The following BABAM2 variants were observed in gnomAD, a reference collection of about 807,000 sequenced individuals.
BABAM2 encodes the protein BRISC and BRCA1 A complex member 2, also known as BRISC and BRCA1-A complex member 2.
BABAM2 carries 31 observed loss-of-function variants against 54.7 expected under a neutral mutation model. The observed-to-expected ratio is 0.57, with a 90% CI of 0.43 to 0.77. The LOEUF is 0.77. BABAM2 is among the 30% of genes least tolerant of loss of function. The pLI is 0.00. For missense variants in BABAM2, 364 were observed against 455.8 expected, an observed-to-expected ratio of 0.80 and a Z score of 1.83; for synonymous variants, 167 against 162.9, an observed-to-expected ratio of 1.03 and a Z score of -0.19.
intron 6 of BABAM2, among the ~76,000 whole-genome samples, chr2:28,115,224 CAA>C (rs1668508315): frequency 3.6e-5 from 5 of 138,742 alleles, no homozygotes; most frequent in Admixed American, 2.2e-4. Context: ...CACACACACA[CAA>C]ACCAATCAAA....
At chr2:28,126,748 A>C (rs1450910667) in intron 6 of BABAM2, among the ~76,000 whole-genome samples, 2 of 142,924 alleles carry the variant, frequency 1.4e-5, no homozygotes, top group African/African-American at 5.2e-5. Context: ...GAACTAGTTT[A>C]CAGTCCCACC....
intron 11 of BABAM2, among the ~76,000 whole-genome samples, chr2:28,312,033 G>A (rs1240789119): frequency 6.6e-6 from 1 of 152,224 alleles, no homozygotes; most frequent in African/African-American, 2.4e-5. Flanking sequence ...TCAGATGTGT[G>A]TGTTAGTTTA....
chr2:28,244,710 T>C (rs1001909146), intron 9 of BABAM2, 70 bp from the exon 10 acceptor site: 1 of 1,396,286 alleles, frequency 7.2e-7, no homozygotes, highest in African/African-American at 1.4e-5. Flanking sequence ...CTTTACTTGG[T>C]TTTATTGCTT....
intron 3 of BABAM2, among the ~76,000 whole-genome samples, chr2:27,951,070 G>A (rs999267528): frequency 6.6e-6 from 1 of 152,022 alleles, no homozygotes; most frequent in African/African-American, 2.4e-5. Flanking sequence ...TAGTGGTAAA[G>A]AAAAAAGTGG....
At chr2:28,336,660 A>G (rs959523998) in intron 11 of BABAM2, among the ~76,000 whole-genome samples, 2 of 152,240 alleles carry the variant, frequency 1.3e-5, no homozygotes, top group African/African-American at 4.8e-5. Flanking sequence ...TCAGTGCTGC[A>G]GAGGCCATGG....
At chr2:28,043,648 A>T (rs1033964335) in intron 5 of BABAM2, among the ~76,000 whole-genome samples, 1 of 152,192 alleles carries the variant, frequency 6.6e-6, no homozygotes, top group Non-Finnish European at 1.5e-5. Flanking sequence ...TTTTAGGTTT[A>T]GCTGTGTCTT....
intron 6 of BABAM2, among the ~76,000 whole-genome samples, chr2:28,127,622 A>G (rs1287740513): frequency 6.6e-6 from 1 of 152,088 alleles, no homozygotes; most frequent in Admixed American, 6.6e-5. Flanking sequence ...CCCTGTGTAT[A>G]CATGTCACAC....
chr2:27,979,323 T>G (rs1464031932), intron 3 of BABAM2, among the ~76,000 whole-genome samples: 1 of 151,938 alleles, frequency 6.6e-6, no homozygotes, highest in Non-Finnish European at 1.5e-5. Flanking sequence ...TGTGAGCCAC[T>G]GCGCCTGGCC....
At chr2:28,054,415 A>T (rs898638289) in intron 6 of BABAM2, among the ~76,000 whole-genome samples, 3 of 152,082 alleles carry the variant, frequency 2.0e-5, no homozygotes, top group African/African-American at 7.2e-5. Flanking sequence ...AGTTTCCCAA[A>T]CTGTTAAAAT....
intron 10 of BABAM2, among the ~76,000 whole-genome samples, chr2:28,258,615 C>CTTTTCTTTTTTTTTTTTTT (rs752905871): frequency 1.0e-5 from 1 of 100,042 alleles, no homozygotes; most frequent in African/African-American, 3.7e-5. Context: ...TTTTTCTTTT[C>CTTTTCTTTTTTTTTTTTTT]TTTTTTTTTT....
At chr2:28,280,961 G>A (rs1686307091) in intron 10 of BABAM2, among the ~76,000 whole-genome samples, 1 of 152,140 alleles carries the variant, frequency 6.6e-6, no homozygotes, top group South Asian at 2.1e-4. Context: ...GTCCACATCA[G>A]GCTCTGCTGC....
intron 6 of BABAM2, among the ~76,000 whole-genome samples, chr2:28,049,698 C>T (rs1340949095): frequency 3.3e-5 from 5 of 152,224 alleles, no homozygotes; most frequent in African/African-American, 9.7e-5. Context: ...AGTCAGGGCA[C>T]AATCAGTGCA....
At chr2:27,998,242 C>T (rs892433775) in intron 4 of BABAM2, among the ~76,000 whole-genome samples, 3 of 152,010 alleles carry the variant, frequency 2.0e-5, no homozygotes, top group Non-Finnish European at 2.9e-5. Context: ...GTCATCCATC[C>T]GCTCTTTGTC....
At chr2:28,051,655 T>G (rs753830851) in intron 6 of BABAM2, among the ~76,000 whole-genome samples, 5 of 150,078 alleles carry the variant, frequency 3.3e-5, no homozygotes, top group Non-Finnish European at 5.9e-5. Context: ...CAAGGTGTGT[T>G]TTTTTTTTTT....
chr2:28,223,610 A>G (rs762271572), intron 7 of BABAM2, among the ~76,000 whole-genome samples: 2 of 152,200 alleles, frequency 1.3e-5, no homozygotes, highest in African/African-American at 2.4e-5. Flanking sequence ...AGGGGACAGG[A>G]AGATCAATGG....
At chr2:28,318,492 T>TAG (rs1689756387) in intron 11 of BABAM2, among the ~76,000 whole-genome samples, 1 of 152,172 alleles carries the variant, frequency 6.6e-6, no homozygotes, top group Non-Finnish European at 1.5e-5. Context: ...CTAGATAATC[T>TAG]CTAGGGTTTT....
chr2:28,172,778 C>T (rs138080446), intron 7 of BABAM2, among the ~76,000 whole-genome samples: 2,009 of 152,186 alleles, frequency 0.013, 28 homozygotes, highest in South Asian at 0.05. Context: ...ATATGCTTTC[C>T]GGGAGTTTAC....
At chr2:27,918,143 A>C (rs545715348) in intron 2 of BABAM2, among the ~76,000 whole-genome samples, 1 of 152,346 alleles carries the variant, frequency 6.6e-6, no homozygotes, top group Admixed American at 6.5e-5. Flanking sequence ...ATTTTTAAGC[A>C]TACAGTTCTG....
upstream of BABAM2, chr2:27,890,394 C>A: frequency 6.4e-7 from 1 of 1,553,466 alleles, no homozygotes; most frequent in Non-Finnish European, 8.7e-7. This position sits in a 1 kb window ranked among gnomAD's most constrained non-coding sequence, Gnocchi z 4.8. Flanking sequence ...CTGCCCTTTG[C>A]CCGACCCCGT....
Sources: gnomAD v4.1 joint callset for allele counts (sites outside exome capture counted in the v4.1 genomes callset) on GRCh38, gnomAD v4.1.1 for gene constraint, Gnocchi (gnomAD v3.1) non-coding constraint, MANE v1.5 for transcripts, NCBI Gene and HGNC (gene_info 2026-07-23, HGNC 2026-07-21) for gene names.